Variants in MAN1A1 observed in about 807,000 individuals in gnomAD.
MAN1A1 encodes mannosidase alpha class 1A member 1.
A neutral mutation model predicts 70.8 loss-of-function variants in MAN1A1; 29 were observed. The ratio of observed to expected loss-of-function variants is 0.41; its 90% CI spans 0.31 to 0.56. MAN1A1 has a LOEUF of 0.56. Among genes scored for constraint, MAN1A1 ranks in the 20% least tolerant of loss-of-function variants. MAN1A1 has a pLI of 0.29. For missense variants in MAN1A1, 747 were observed against 841.3 expected (o/e 0.89, Z 1.39); for synonymous variants, 349 against 330.1 (o/e 1.06, Z -0.62).
intron 6 of MAN1A1, among the ~76,000 whole-genome samples, chr6:119,215,779 T>G (rs1171435212): frequency 6.6e-6 from 1 of 152,244 alleles, no homozygotes; most frequent in Non-Finnish European, 1.5e-5. Flanking sequence ...TCTTAGAATT[T>G]AAGATTACTT....
At chr6:119,293,154 A>G (rs1159045174) in intron 4 of MAN1A1, among the ~76,000 whole-genome samples, 1 of 152,046 alleles carries the variant, frequency 6.6e-6, no homozygotes, top group Non-Finnish European at 1.5e-5. Flanking sequence ...CCTGCCGTGA[A>G]AATTTTGGAT....
At chr6:119,305,396 CA>C (rs2114447476) in intron 3 of MAN1A1, among the ~76,000 whole-genome samples, 1 of 152,150 alleles carries the variant, frequency 6.6e-6, no homozygotes, top group Non-Finnish European at 1.5e-5. Context: ...TTGTAATAAA[CA>C]ATGAAAAAAT....
chr6:119,335,318 C>T (rs937984077), intron 2 of MAN1A1, among the ~76,000 whole-genome samples: 4 of 152,136 alleles, frequency 2.6e-5, no homozygotes, highest in East Asian at 3.9e-4. Context: ...CCAGGCATTG[C>T]GCTGAGAGAT....
At chr6:119,345,608 A>C (rs992244898) in intron 2 of MAN1A1, among the ~76,000 whole-genome samples, 1 of 152,238 alleles carries the variant, frequency 6.6e-6, no homozygotes, top group African/African-American at 2.4e-5. Context: ...AGTTGTTAAA[A>C]ATCTACTGCA....
intron 3 of MAN1A1, among the ~76,000 whole-genome samples, chr6:119,302,961 T>C (rs1256915094): frequency 6.6e-6 from 1 of 152,178 alleles, no homozygotes; most frequent in Admixed American, 6.5e-5. Flanking sequence ...CCTGTTGCCC[T>C]GGCATTCAAC....
chr6:119,206,204 T>C (rs1039668545), intron 6 of MAN1A1, among the ~76,000 whole-genome samples: 10 of 152,154 alleles, frequency 6.6e-5, no homozygotes, highest in African/African-American at 2.4e-4. Flanking sequence ...GGAAGGTTGG[T>C]GGGAGAGAAG....
intron 5 of MAN1A1, among the ~76,000 whole-genome samples, chr6:119,287,939 A>G (rs1422988626): frequency 1.3e-5 from 2 of 152,028 alleles, no homozygotes; most frequent in Non-Finnish European, 2.9e-5. Context: ...CTTATATAGC[A>G]TTTGAAAATA....
At chr6:119,273,691 C>T (rs1775983569) in intron 5 of MAN1A1, among the ~76,000 whole-genome samples, 1 of 151,722 alleles carries the variant, frequency 6.6e-6, no homozygotes, top group East Asian at 1.9e-4. Context: ...TTTTTCTTTT[C>T]CAGAACACTT....
At chr6:119,223,658 C>T (rs1018909585) in intron 6 of MAN1A1, among the ~76,000 whole-genome samples, 1 of 151,866 alleles carries the variant, frequency 6.6e-6, no homozygotes, top group East Asian at 1.9e-4. Flanking sequence ...TATCTAAAAA[C>T]GGGAGACAGG....
chr6:119,226,924 G>T (rs908488460), intron 6 of MAN1A1, among the ~76,000 whole-genome samples: 2 of 152,136 alleles, frequency 1.3e-5, no homozygotes, highest in Non-Finnish European at 2.9e-5. Flanking sequence ...TCCTGCCTTG[G>T]CCTCCCAGAG....
At chr6:119,253,147 C>G (rs1225280631) in intron 5 of MAN1A1, among the ~76,000 whole-genome samples, 1 of 152,016 alleles carries the variant, frequency 6.6e-6, no homozygotes, top group Non-Finnish European at 1.5e-5. Context: ...TATATGACAA[C>G]CAGTGATGAC....
chr6:119,195,981 T>C (rs1291114060), intron 8 of MAN1A1, among the ~76,000 whole-genome samples: 2 of 152,176 alleles, frequency 1.3e-5, no homozygotes, highest in Non-Finnish European at 2.9e-5. Flanking sequence ...GTTATCAACA[T>C]GATTGTAGGA....
chr6:119,252,456 T>C (rs1269803918), intron 5 of MAN1A1, among the ~76,000 whole-genome samples: 2 of 152,132 alleles, frequency 1.3e-5, no homozygotes, highest in African/African-American at 2.4e-5. Context: ...AACAACACAT[T>C]TGGCCCAGGA....
chr6:119,317,083 C>CT (rs1449207912), intron 2 of MAN1A1, among the ~76,000 whole-genome samples: 2 of 151,368 alleles, frequency 1.3e-5, no homozygotes, highest in East Asian at 1.9e-4. Context: ...CTAAAACAGA[C>CT]TTTTTTTTAA....
intron 7 of MAN1A1, among the ~76,000 whole-genome samples, chr6:119,202,270 A>G (rs941122885): frequency 2.6e-5 from 4 of 152,038 alleles, no homozygotes; most frequent in African/African-American, 4.8e-5. Context: ...AACTTTTTAA[A>G]CTTTTTGTTA....
intron 9 of MAN1A1, among the ~76,000 whole-genome samples, chr6:119,190,329 T>C (rs2072893): frequency 0.71 from 108,356 of 152,082 alleles, 40,914 homozygotes; most frequent in Non-Finnish European, 0.83. Context: ...CTTTCACTTC[T>C]GTAGGCTTGG....
chr6:119,215,392 C>A (rs530034624), intron 6 of MAN1A1, among the ~76,000 whole-genome samples: 2 of 152,008 alleles, frequency 1.3e-5, no homozygotes, highest in African/African-American at 4.8e-5. Context: ...TAATTAGGCC[C>A]AAAACTCTCA....
At chr6:119,252,418 T>C (rs1775341881) in intron 5 of MAN1A1, among the ~76,000 whole-genome samples, 1 of 152,190 alleles carries the variant, frequency 6.6e-6, no homozygotes, top group Non-Finnish European at 1.5e-5. Flanking sequence ...AAATGGGTGG[T>C]AAGGCAGCGG....
intron 5 of MAN1A1, among the ~76,000 whole-genome samples, chr6:119,280,428 A>G (rs987099186): frequency 6.6e-6 from 1 of 152,238 alleles, no homozygotes; most frequent in Non-Finnish European, 1.5e-5. Flanking sequence ...TTGAATTAAC[A>G]TTTGTCAATG....
Sources: gnomAD v4.1 joint callset for allele counts (sites outside exome capture counted in the v4.1 genomes callset) on GRCh38, gnomAD v4.1.1 for gene constraint, MANE v1.5 for transcripts, NCBI Gene and HGNC (gene_info 2026-07-23, HGNC 2026-07-21) for gene names.